The following PANK2 variants were observed in gnomAD, a reference collection of about 807,000 sequenced individuals.
PANK2 encodes the protein pantothenate kinase 2, also known as pantothenate kinase 2, mitochondrial.
PANK2 carries 36 observed loss-of-function variants against 43.1 expected under a neutral mutation model. The ratio of observed to expected loss-of-function variants is 0.84; its 90% CI spans 0.64 to 1.10. The LOEUF (loss-of-function observed/expected upper bound fraction) is 1.10. Ranked by LOEUF, PANK2 falls within the 50% of genes least tolerant of loss-of-function variation. The probability of loss-of-function intolerance (pLI) is 0.00; values close to 1 mark genes in which losing one functional copy is unlikely to be tolerated. For missense variants in PANK2, 576 were observed against 593.3 expected, an observed-to-expected ratio of 0.97 and a Z score of 0.30; for synonymous variants, 281 against 238.2, an observed-to-expected ratio of 1.18 and a Z score of -1.66.
intron 3 of PANK2, 38 bp downstream of exon 3, chr20:3,910,868 T>C: frequency 6.2e-7 from 1 of 1,612,574 alleles, no homozygotes; most frequent in Admixed American, 1.7e-5. Flanking sequence ...ATTCTTAGTA[T>C]CCTAACGGGC....
chr20:3,911,357 G>A (rs1407881853), intron 3 of PANK2, among the ~76,000 whole-genome samples: 2 of 152,096 alleles, frequency 1.3e-5, no homozygotes, highest in African/African-American at 4.8e-5. Context: ...GGCTGGGGCG[G>A]GTGGATCATG....
intron 1 of PANK2, among the ~76,000 whole-genome samples, chr20:3,896,826 A>C (rs2090217516): frequency 6.6e-6 from 1 of 152,068 alleles, no homozygotes; most frequent in Non-Finnish European, 1.5e-5. Context: ...GAATCTTTTG[A>C]AATATCTTTA....
In PANK2 at chr20:3,926,183, T is replaced by C. The variant is rs928052273; in HGVS notation, c.*2889T>C. 3 of 152,188 alleles carry C rather than the reference T, an allele frequency of 2.0e-5. No individual in the cohort carries two copies. Among genetic ancestry groups the C allele is most frequent in the African/African-American group, 4.8e-5 (2 of 41,380 alleles). 9.4% of individuals were successfully genotyped at this position (152,188 alleles called of 1,614,324 possible). On this transcript the variant is annotated 3_prime_UTR_variant, in exon 7 of 7. Transcript: ENST00000610179. Reference sequence around the variant, plus strand: ...GGGCTCATTTGTGGACTACGTGATTTTGAGACTCCAAATAAGCACTGGGTA... The same window carrying C: ...GGGCTCATTTGTGGACTACGTGATTCTGAGACTCCAAATAAGCACTGGGTA...
In PANK2 at chr20:3,894,054, C is replaced by T. The variant is rs146765305; in HGVS notation, c.298+4326C>T. On this transcript the variant is annotated intron_variant, in intron 1 of 6. Transcript: ENST00000610179. ...TCAAGCAATTCTCCTGCCTCAGACT[C>T]GCAAGTAGCTGGGATTACAGGCATG... is the stretch of plus-strand genomic sequence containing the variant. 1.6e-3 allele frequency among the ~76,000 whole-genome samples: 241 copies of T among 151,144 alleles called. 1 individual carries two copies. Among genetic ancestry groups the T allele is most frequent in the African/African-American group, 5.6e-3 (230 of 41,150 alleles).
Position 3,918,586 on chromosome 20 carries a change from T to C in PANK2, c.1207-85T>C, listed in dbSNP as rs1444286801. On this transcript the variant is annotated intron_variant, in intron 5 of 6. Coordinates refer to ENST00000610179, the MANE Select transcript of PANK2 (RefSeq NM_001386393.1). ...GCAGTCAAATTGTTGCTAAGAGCTA[T>C]GCACATGGTGCTGTATTTGGGGTAG... 3.8e-6 allele frequency: 6 copies of C among 1,567,314 alleles called. No homozygotes were observed. In the Admixed American group the frequency reaches 6.7e-5, roughly 17 times the overall value.
At chr20:3,907,701 T>G (rs1267542169) in intron 1 of PANK2, among the ~76,000 whole-genome samples, 3 of 152,212 alleles carry the variant, frequency 2.0e-5, no homozygotes, top group Admixed American at 1.3e-4. Context: ...ATGGTTGGGT[T>G]GGCTCAATAC....
At chr20:3,889,222 C>T (rs914951008), upstream of PANK2, 2 of 1,613,106 alleles carry the variant, frequency 1.2e-6, no homozygotes, top group Non-Finnish European at 1.7e-6. Flanking sequence ...ACCACCCTCT[C>T]CCCGCCCCGT....
At chr20:3,895,760 C>T (rs2090197417) in intron 1 of PANK2, among the ~76,000 whole-genome samples, 1 of 151,904 alleles carries the variant, frequency 6.6e-6, no homozygotes, top group Admixed American at 6.6e-5. Context: ...AAAATGAAAC[C>T]CATCTCAGTT....
upstream of PANK2, chr20:3,888,944 GCGGCCA>G: frequency 1.9e-4 from 109 of 577,002 alleles, no homozygotes; most frequent in South Asian, 5.4e-4. Context: ...CCGACGACCA[GCGGCCA>G]GACGCTGCGG....
intron 1 of PANK2, among the ~76,000 whole-genome samples, chr20:3,903,272 C>G (rs563745008): frequency 1.1e-4 from 16 of 151,518 alleles, no homozygotes; most frequent in Non-Finnish European, 2.4e-4. Flanking sequence ...TTCAGCCTCC[C>G]GAGTAGCTGG....
intron 6 of PANK2, chr20:3,921,257 G>A (rs955586047): frequency 3.3e-5 from 5 of 150,444 alleles, no homozygotes; most frequent in Non-Finnish European, 4.4e-5. Flanking sequence ...GTGTCCAAGT[G>A]TTCTCATTGT....
At chr20:3,888,897 A>C (rs2090057819), upstream of PANK2, 2 of 521,630 alleles carry the variant, frequency 3.8e-6, no homozygotes, top group East Asian at 6.1e-5. Flanking sequence ...CGAGGGACAA[A>C]GGCTAAGGTC....
At chr20:3,908,342 C>T (rs1250465313) in intron 2 of PANK2, 64 bp downstream of exon 2, 3 of 1,364,898 alleles carry the variant, frequency 2.2e-6, no homozygotes, top group African/African-American at 1.4e-5. Context: ...ATGCCAGTAG[C>T]AAGTGGTGAA....
intron 3 of PANK2, 123 bp from the exon 4 acceptor site, chr20:3,912,335 T>C (rs113118416): frequency 1.7e-5 from 18 of 1,045,972 alleles, no homozygotes; most frequent in African/African-American, 1.1e-4. Flanking sequence ...ACTTGTTTCC[T>C]ACCAGTGGCA....
chr20:3,889,058 G>T (rs1283689397), upstream of PANK2: 1 of 1,469,764 alleles, frequency 6.8e-7, no homozygotes, highest in Non-Finnish European at 9.1e-7. Flanking sequence ...GCGGCCCGGG[G>T]GGGCAGAGGC....
rs957891600 is a variant in PANK2 at position 3,929,184 on chromosome 20, C to CA, written c.*5891dup. On this transcript the variant is annotated 3_prime_UTR_variant, in exon 7 of 7. Transcript: ENST00000610179. ...GCATTTTCTTTTCAAAGTGTGTGCA[C>CA]AGAGTGAGGAGGCCAGCCTGGGCAA... 6.6e-6 allele frequency: 1 copy of CA among 152,166 alleles called. No individual in the cohort carries two copies. Among genetic ancestry groups the CA allele is most frequent in the African/African-American group, 2.4e-5 (1 of 41,428 alleles). The allele number at this position is 152,166 out of a possible 1,614,324, so 9.4% of individuals were successfully genotyped here.
chr20:3,914,898 C>G (rs1600558613), intron 4 of PANK2, among the ~76,000 whole-genome samples: 2 of 152,340 alleles, frequency 1.3e-5, no homozygotes, highest in Non-Finnish European at 1.5e-5. Context: ...GTGTGAGCCA[C>G]TGTGCCCAGC....
chr20:3,916,413 G>T (rs183209683), intron 4 of PANK2, among the ~76,000 whole-genome samples: 1 of 152,254 alleles, frequency 6.6e-6, no homozygotes. Context: ...GAAAATTATT[G>T]TAGCAGTTCT....
chr20:3,914,687 C>T (rs2090530705), intron 4 of PANK2, among the ~76,000 whole-genome samples: 2 of 152,010 alleles, frequency 1.3e-5, no homozygotes, highest in Non-Finnish European at 2.9e-5. Flanking sequence ...GAAACCTCTA[C>T]CTCCTGGGTT....
Sources: gnomAD v4.1 joint callset for allele counts (sites outside exome capture counted in the v4.1 genomes callset) on GRCh38, gnomAD v4.1.1 for gene constraint, MANE v1.5 for transcripts, NCBI Gene and HGNC (gene_info 2026-07-23, HGNC 2026-07-21) for gene names.